NXPE2: variants seen among roughly 807,000 people sequenced by gnomAD.
NXPE2 encodes neurexophilin and PC-esterase domain family member 2, also known as NXPE family member 2.
A neutral mutation model predicts 34.4 loss-of-function variants in NXPE2; 34 were observed. The ratio of observed to expected loss-of-function variants is 0.99; its 90% confidence interval spans 0.75 to 1.31. The LOEUF (loss-of-function observed/expected upper bound fraction) is 1.31, where lower values mean the gene tolerates loss of function less well. NXPE2 is among the 40% of genes most tolerant of loss of function. The pLI, the probability that NXPE2 is intolerant of heterozygous loss-of-function variation, is 0.00. For synonymous variants in NXPE2, 235 were observed against 231.3 expected (o/e 1.02, Z -0.15); for missense variants, 649 against 672.5 (o/e 0.97, Z 0.39).
the NXPE2 span, among the ~76,000 whole-genome samples, chr11:114,631,273 A>C: frequency 5.2e-4 from 79 of 151,504 alleles, 1 homozygote; most frequent in South Asian, 1.2e-3. Context: ...GGAACCAACC[A>C]AAATGTCCAA....
the NXPE2 span, among the ~76,000 whole-genome samples, chr11:114,478,157 T>C: frequency 0.061 from 9,132 of 149,612 alleles, 333 homozygotes; most frequent in Non-Finnish European, 0.075. Context: ...GTAATGAGGG[T>C]GGACATTTGT....
At chr11:114,648,730 C>A in the NXPE2 span, among the ~76,000 whole-genome samples, 1 of 152,114 alleles carries the variant, frequency 6.6e-6, no homozygotes, top group African/African-American at 2.4e-5. Context: ...ATACAACTAT[C>A]CCGCATACAA....
downstream of NXPE2, among the ~76,000 whole-genome samples, chr11:114,711,135 C>T (rs1792423): frequency 0.34 from 51,064 of 151,898 alleles, 8,924 homozygotes; most frequent in South Asian, 0.38. Context: ...CAGTTAATAC[C>T]ATATGCAACT....
At chr11:114,488,973 A>C in the NXPE2 span, among the ~76,000 whole-genome samples, 4 of 152,140 alleles carry the variant, frequency 2.6e-5, no homozygotes, top group South Asian at 2.1e-4. Flanking sequence ...AAGACTAATA[A>C]AGAAGAAAAG....
the NXPE2 span, among the ~76,000 whole-genome samples, chr11:114,586,217 T>A: frequency 1.3e-5 from 2 of 152,206 alleles, no homozygotes; most frequent in Non-Finnish European, 2.9e-5. Context: ...AGAGCTTTTC[T>A]CTTTCTTTTG....
At chr11:114,703,328 G>C (rs867192871) in intron 3 of NXPE2, among the ~76,000 whole-genome samples, 1 of 152,244 alleles carries the variant, frequency 6.6e-6, no homozygotes, top group African/African-American at 2.4e-5. Context: ...AACCAAAAGG[G>C]CAGAAAGATA....
the NXPE2 span, among the ~76,000 whole-genome samples, chr11:114,643,338 A>G: frequency 6.6e-6 from 1 of 152,212 alleles, no homozygotes; most frequent in South Asian, 2.1e-4. Context: ...GCCCATGCCT[A>G]CATCCTGAAT....
chr11:114,560,269 T>G, the NXPE2 span, among the ~76,000 whole-genome samples: 1 of 131,728 alleles, frequency 7.6e-6, no homozygotes, highest in Non-Finnish European at 1.6e-5. Flanking sequence ...AATTCTTTTT[T>G]TTTCTTTTTT....
the NXPE2 span, among the ~76,000 whole-genome samples, chr11:114,572,453 T>G: frequency 6.6e-6 from 1 of 152,026 alleles, no homozygotes; most frequent in African/African-American, 2.4e-5. Context: ...AAGTCCAACT[T>G]AAATTAAAAA....
At chr11:114,586,289 G>A in the NXPE2 span, among the ~76,000 whole-genome samples, 2 of 152,142 alleles carry the variant, frequency 1.3e-5, no homozygotes, top group African/African-American at 4.8e-5. Context: ...TTTCCTTGGA[G>A]AGAGACAATG....
chr11:114,707,222 G>T (rs1265822744), downstream of NXPE2, among the ~76,000 whole-genome samples: 3 of 152,040 alleles, frequency 2.0e-5, no homozygotes, highest in Non-Finnish European at 4.4e-5. Context: ...CTCCCAAGTA[G>T]CTGGGATTAC....
the NXPE2 span, among the ~76,000 whole-genome samples, chr11:114,569,022 T>C: frequency 6.6e-6 from 1 of 152,198 alleles, no homozygotes; most frequent in African/African-American, 2.4e-5. Context: ...GGCATTGGAC[T>C]ATGAACTGTG....
chr11:114,618,943 A>T, the NXPE2 span, among the ~76,000 whole-genome samples: 1 of 152,044 alleles, frequency 6.6e-6, no homozygotes, highest in Admixed American at 6.6e-5. Flanking sequence ...CCCACTGGAT[A>T]ATAAGTAGTA....
At chr11:114,745,472 G>T in the NXPE2 span, among the ~76,000 whole-genome samples, 2 of 152,262 alleles carry the variant, frequency 1.3e-5, 1 homozygote, top group South Asian at 4.1e-4. Context: ...GAAGAATCTG[G>T]CCTCATGATC....
chr11:114,806,271 TCTAAAAATCAGAGCG>T, the NXPE2 span, among the ~76,000 whole-genome samples: 9 of 151,886 alleles, frequency 5.9e-5, no homozygotes, highest in Non-Finnish European at 1.2e-4. Flanking sequence ...AACTGGAAAC[TCTAAAAATCAGAGCG>T]CCTCTCCTCC....
chr11:114,473,533 A>G, the NXPE2 span, among the ~76,000 whole-genome samples: 5 of 152,206 alleles, frequency 3.3e-5, no homozygotes. Context: ...AAATATCTCA[A>G]TTTTCAAGAA....
chr11:114,711,881 G>A (rs902846711), downstream of NXPE2, among the ~76,000 whole-genome samples: 5 of 152,102 alleles, frequency 3.3e-5, no homozygotes, highest in Non-Finnish European at 7.4e-5. Flanking sequence ...AAGATGGTGT[G>A]GTACTGATAT....
the NXPE2 span, chr11:114,582,242 A>T: frequency 1.3e-6 from 2 of 1,523,060 alleles, no homozygotes; most frequent in Non-Finnish European, 8.8e-7. Context: ...ATATAGGCCA[A>T]ATCACAATAT....
At chr11:114,811,102 G>T in the NXPE2 span, among the ~76,000 whole-genome samples, 1 of 148,008 alleles carries the variant, frequency 6.8e-6, no homozygotes, top group Non-Finnish European at 1.5e-5. Flanking sequence ...ACCAAACACC[G>T]CATGTTCTTG....
Sources: allele counts gnomAD v4.1 joint callset (sites outside exome capture counted in the v4.1 genomes callset), GRCh38; gene constraint gnomAD v4.1.1; transcripts MANE v1.5; gene names NCBI Gene and HGNC (gene_info 2026-07-23, HGNC 2026-07-21).